The following PTPRD variants were observed in gnomAD, a reference collection of about 807,000 sequenced individuals.
PTPRD encodes receptor-type tyrosine-protein phosphatase delta.
A neutral mutation model predicts 214.5 loss-of-function variants in PTPRD; 34 were observed. The observed-to-expected ratio is 0.16, with a 90% CI of 0.12 to 0.21. PTPRD has a LOEUF of 0.21. Among genes scored for constraint, PTPRD ranks in the 10% least tolerant of loss-of-function variants. The pLI is 1.00. For missense variants in PTPRD, 2,545 were observed against 2,398.7 expected (o/e 1.06, Z -1.27); for synonymous variants, 1,128 against 845.7 (o/e 1.33, Z -5.79).
chr9:9,448,156 G>A (rs1458307264), intron 8 of PTPRD, among the ~76,000 whole-genome samples: 1 of 152,042 alleles, frequency 6.6e-6, no homozygotes, highest in Admixed American at 6.6e-5. Context: ...AACAATGGAG[G>A]CAGTAAGAAG....
chr9:8,731,422 G>A (rs960296337), intron 12 of PTPRD, among the ~76,000 whole-genome samples: 4 of 152,202 alleles, frequency 2.6e-5, no homozygotes, highest in African/African-American at 9.6e-5. Context: ...AAGAAGGCTA[G>A]ATGTGCTAAT....
chr9:10,226,890 T>C (rs2099590648), intron 3 of PTPRD, among the ~76,000 whole-genome samples: 2 of 152,052 alleles, frequency 1.3e-5, no homozygotes, highest in Non-Finnish European at 2.9e-5. Context: ...TGTTTTATAA[T>C]ATACTCCTTA....
At chr9:8,775,249 T>G (rs1331122300) in intron 11 of PTPRD, among the ~76,000 whole-genome samples, 1 of 152,174 alleles carries the variant, frequency 6.6e-6, no homozygotes. Flanking sequence ...TTTTCTGATA[T>G]GGTCTGTTTA....
chr9:10,086,907 A>G (rs1298677373), intron 3 of PTPRD, among the ~76,000 whole-genome samples: 3 of 151,814 alleles, frequency 2.0e-5, no homozygotes, highest in African/African-American at 7.2e-5. Flanking sequence ...TAATGAATTA[A>G]TACACATAAA....
intron 7 of PTPRD, among the ~76,000 whole-genome samples, chr9:9,589,709 G>C (rs946467119): frequency 1.3e-5 from 2 of 151,814 alleles, no homozygotes; most frequent in African/African-American, 4.8e-5. Context: ...TTATTTCATA[G>C]AGCTTTACAA....
At chr9:8,767,156 T>G (rs1249041687) in intron 11 of PTPRD, among the ~76,000 whole-genome samples, 2 of 152,130 alleles carry the variant, frequency 1.3e-5, no homozygotes, top group African/African-American at 4.8e-5. Context: ...TTGCTCTTGT[T>G]GCCCAGGCTG....
intron 35 of PTPRD, among the ~76,000 whole-genome samples, chr9:8,409,153 T>C (rs895656955): frequency 1.2e-4 from 18 of 152,230 alleles, no homozygotes; most frequent in African/African-American, 4.3e-4. Flanking sequence ...ATGTTTTCTT[T>C]GTGCTTTGTA....
intron 7 of PTPRD, among the ~76,000 whole-genome samples, chr9:9,731,205 A>G (rs2098185091): frequency 6.6e-6 from 1 of 152,144 alleles, no homozygotes; most frequent in Non-Finnish European, 1.5e-5. Flanking sequence ...TGAGAATTAT[A>G]TCATAATTTA....
intron 10 of PTPRD, among the ~76,000 whole-genome samples, chr9:9,126,125 C>T (rs1322695981): frequency 6.6e-6 from 1 of 152,100 alleles, no homozygotes; most frequent in African/African-American, 2.4e-5. Context: ...AGGAGTTAGG[C>T]TTTTATTTTA....
At chr9:9,829,159 G>C (rs2053979161) in intron 5 of PTPRD, among the ~76,000 whole-genome samples, 1 of 151,806 alleles carries the variant, frequency 6.6e-6, no homozygotes. Flanking sequence ...GTAGAACATT[G>C]TATTAAAAGT....
chr9:10,609,324 A>G (rs2080325138), intron 2 of PTPRD, among the ~76,000 whole-genome samples: 1 of 152,096 alleles, frequency 6.6e-6, no homozygotes, highest in African/African-American at 2.4e-5. Flanking sequence ...GTAAGTTTCA[A>G]ACATGTAACA....
At chr9:8,366,363 C>A (rs931315398) in intron 39 of PTPRD, among the ~76,000 whole-genome samples, 4 of 152,024 alleles carry the variant, frequency 2.6e-5, no homozygotes, top group African/African-American at 9.7e-5. Flanking sequence ...CTGCCTCTCC[C>A]TTGATGAACT....
intron 2 of PTPRD, among the ~76,000 whole-genome samples, chr9:10,417,357 T>A (rs2098501687): frequency 6.6e-6 from 1 of 151,954 alleles, no homozygotes; most frequent in Admixed American, 6.6e-5. Context: ...TTGGATTTTT[T>A]ATTTTCTTCA....
At chr9:10,546,882 T>G (rs1422252608) in intron 2 of PTPRD, among the ~76,000 whole-genome samples, 1 of 152,092 alleles carries the variant, frequency 6.6e-6, no homozygotes, top group Non-Finnish European at 1.5e-5. Context: ...CCCTAACTAG[T>G]ATATTAAGGA....
chr9:8,823,435 G>C (rs2097111817), intron 11 of PTPRD, among the ~76,000 whole-genome samples: 1 of 152,148 alleles, frequency 6.6e-6, no homozygotes, highest in Admixed American at 6.6e-5. Flanking sequence ...TAGTTTCCAA[G>C]CTGATTTCCT....
intron 11 of PTPRD, among the ~76,000 whole-genome samples, chr9:9,013,522 T>C (rs1240957785): frequency 6.6e-6 from 1 of 152,178 alleles, no homozygotes; most frequent in Non-Finnish European, 1.5e-5. Flanking sequence ...TGCTTTGCTT[T>C]TTCCTGCTCC....
At chr9:8,793,517 G>A (rs1388943935) in intron 11 of PTPRD, among the ~76,000 whole-genome samples, 1 of 152,122 alleles carries the variant, frequency 6.6e-6, no homozygotes, top group Admixed American at 6.6e-5. Flanking sequence ...GAGATAATAA[G>A]TATATACTGT....
At chr9:10,351,899 T>C (rs2097189820) in intron 2 of PTPRD, among the ~76,000 whole-genome samples, 1 of 152,008 alleles carries the variant, frequency 6.6e-6, no homozygotes. Flanking sequence ...GGCATAGATG[T>C]GTTAGCAAAC....
intron 3 of PTPRD, among the ~76,000 whole-genome samples, chr9:10,071,122 A>C (rs1217274999): frequency 6.6e-6 from 1 of 152,128 alleles, no homozygotes; most frequent in Non-Finnish European, 1.5e-5. Context: ...AGAAAATCTA[A>C]ATACATGGAG....
Sources: gnomAD v4.1 joint callset for allele counts (sites outside exome capture counted in the v4.1 genomes callset) on GRCh38, gnomAD v4.1.1 for gene constraint, MANE v1.5 for transcripts, NCBI Gene and HGNC (gene_info 2026-07-23, HGNC 2026-07-21) for gene names.